Variants in AFAP1 observed in about 807,000 individuals in gnomAD.
AFAP1 encodes actin filament associated protein 1, also known as actin filament-associated protein 1.
AFAP1 carries 75 observed loss-of-function variants against 93.9 expected under a neutral mutation model. That is an observed-to-expected ratio of 0.80 (90% CI 0.66 to 0.97). The LOEUF (loss-of-function observed/expected upper bound fraction) is 0.97, where lower values mean the gene tolerates loss of function less well. AFAP1 is among the 50% of genes least tolerant of loss of function. The probability of loss-of-function intolerance (pLI) is 0.00; values close to 1 mark genes in which losing one functional copy is unlikely to be tolerated. For missense variants in AFAP1, 1,201 were observed against 1,050.8 expected (o/e 1.14, Z -1.98); for synonymous variants, 517 against 430.7 (o/e 1.20, Z -2.48).
At chr4:7,917,581 C>T (rs4696778) in intron 1 of AFAP1, among the ~76,000 whole-genome samples, 2 of 151,966 alleles carry the variant, frequency 1.3e-5, no homozygotes, top group South Asian at 2.1e-4. Flanking sequence ...TGAAGAAGGC[C>T]GAAACAGAAG....
intron 1 of AFAP1, among the ~76,000 whole-genome samples, chr4:7,903,977 A>C (rs1206831176): frequency 6.6e-6 from 1 of 151,948 alleles, no homozygotes; most frequent in East Asian, 1.9e-4. Flanking sequence ...AGAGTTTTTA[A>C]AATACAGGAA....
rs1476741099 is a variant in AFAP1 at position 7,761,724 on chromosome 4, G to A, written c.*2041C>T. ...GACCCGAAGGCAGCAAAAATCTATG[G>A]AGGAGCAAACTTTTTTCCCTTTATA... On this transcript the variant is annotated 3_prime_UTR_variant, in exon 18 of 18. Transcript: ENST00000420658. The A allele has an allele frequency of 6.6e-6, 1 of 152,250 alleles. No homozygotes were observed. Among genetic ancestry groups the A allele is most frequent in the Non-Finnish European group, 1.5e-5 (1 of 68,050 alleles). 9.4% of individuals were successfully genotyped at this position (152,250 alleles called of 1,614,324 possible).
intron 3 of AFAP1, among the ~76,000 whole-genome samples, chr4:7,865,131 A>G (rs1215389033): frequency 6.6e-6 from 1 of 152,248 alleles, no homozygotes; most frequent in Non-Finnish European, 1.5e-5. Flanking sequence ...TCATATGTAT[A>G]GATTACACAG....
chr4:7,763,803 G>C lies in AFAP1; in HGVS notation c.2419-12C>G, dbSNP rs980310843. 36 of 1,551,440 alleles carry C rather than the reference G, an allele frequency of 2.3e-5. No homozygotes were observed. Among genetic ancestry groups the C allele is most frequent in the Non-Finnish European group, 3.1e-5 (35 of 1,146,866 alleles). ...TTCAATTCCCATTCCTAGAGGAAAGGAGAGTCTTGTAAGTGGACAGGGCAA... is the reference window on the plus strand; with the variant it reads ...TTCAATTCCCATTCCTAGAGGAAAGCAGAGTCTTGTAAGTGGACAGGGCAA... On this transcript the variant is annotated splice_polypyrimidine_tract_variant and intron_variant, in intron 17 of 17. Coordinates refer to ENST00000420658, the MANE Select transcript of AFAP1 (RefSeq NM_001134647.2).
At chr4:7,787,909 G>A (rs955838472) in intron 11 of AFAP1, among the ~76,000 whole-genome samples, 68 of 152,260 alleles carry the variant, frequency 4.5e-4, no homozygotes, top group African/African-American at 1.6e-3. Flanking sequence ...TCTGCCTGCC[G>A]AACTCCTCTC....
At chr4:7,893,961 T>C (rs1030042070) in intron 1 of AFAP1, among the ~76,000 whole-genome samples, 3 of 152,144 alleles carry the variant, frequency 2.0e-5, no homozygotes, top group African/African-American at 7.2e-5. Flanking sequence ...CAGCGAGCCC[T>C]GGAGGCTTCA....
At chr4:7,856,134 T>C (rs1715032282) in intron 3 of AFAP1, among the ~76,000 whole-genome samples, 1 of 152,202 alleles carries the variant, frequency 6.6e-6, no homozygotes, top group Admixed American at 6.5e-5. Context: ...ATATCCCTAT[T>C]GTGTGCTAGG....
chr4:7,771,931 G>A (rs537178041), intron 16 of AFAP1, among the ~76,000 whole-genome samples: 6 of 152,250 alleles, frequency 3.9e-5, no homozygotes, highest in East Asian at 3.9e-4. Context: ...GGTGGTGCCC[G>A]GTAGGGGCCA....
At chr4:7,809,543 C>T (rs148823168) in intron 9 of AFAP1, 71 bp downstream of exon 9, 23 of 1,529,524 alleles carry the variant, frequency 1.5e-5, no homozygotes, top group South Asian at 6.5e-5. Context: ...AACTGGGTAC[C>T]GACACCACTG....
chr4:7,797,327 C>T (rs555857465), intron 10 of AFAP1, among the ~76,000 whole-genome samples: 6 of 152,200 alleles, frequency 3.9e-5, no homozygotes, highest in African/African-American at 1.4e-4. Flanking sequence ...AAGCATCTTC[C>T]CACATGAGAC....
At chr4:7,876,236 G>A (rs2149190962) in intron 1 of AFAP1, among the ~76,000 whole-genome samples, 2 of 152,328 alleles carry the variant, frequency 1.3e-5, no homozygotes, top group Middle Eastern at 6.8e-3. Flanking sequence ...TCCAGAGCCT[G>A]GGAGTTTGTC....
At chr4:7,927,118 T>C (rs11733297) in intron 1 of AFAP1, among the ~76,000 whole-genome samples, 46,464 of 152,162 alleles carry the variant, frequency 0.31, 8,481 homozygotes, top group Non-Finnish European at 0.43. Flanking sequence ...AGAATCCCTG[T>C]TTTTGGTCCT....
intron 1 of AFAP1, among the ~76,000 whole-genome samples, chr4:7,930,063 T>G (rs1720978701): frequency 2.0e-5 from 3 of 152,234 alleles, no homozygotes; most frequent in Admixed American, 2.0e-4. Flanking sequence ...CAATCTCATT[T>G]TGTCACCGGC....
At chr4:7,801,451 C>G (rs1165753649) in intron 9 of AFAP1, among the ~76,000 whole-genome samples, 1 of 151,802 alleles carries the variant, frequency 6.6e-6, no homozygotes, top group Non-Finnish European at 1.5e-5. Context: ...AAAACCTCCT[C>G]AAATACAGGA....
At chr4:7,791,605 A>G (rs958070303) in intron 11 of AFAP1, among the ~76,000 whole-genome samples, 1 of 152,038 alleles carries the variant, frequency 6.6e-6, no homozygotes, top group Non-Finnish European at 1.5e-5. Context: ...GCACTTTGGG[A>G]GGCCAAGACA....
At chr4:7,892,631 C>A (rs1718535126) in intron 1 of AFAP1, among the ~76,000 whole-genome samples, 1 of 152,180 alleles carries the variant, frequency 6.6e-6, no homozygotes, top group South Asian at 2.1e-4. Context: ...AAAAAGCTGA[C>A]CCTGATTAAC....
chr4:7,789,194 G>A (rs543485659), intron 11 of AFAP1, among the ~76,000 whole-genome samples: 6 of 152,100 alleles, frequency 3.9e-5, no homozygotes, highest in Admixed American at 1.3e-4. Flanking sequence ...ACGAGGCCTC[G>A]GTCTTGTGCT....
At chr4:7,789,375 G>A (rs925620607) in intron 11 of AFAP1, among the ~76,000 whole-genome samples, 1 of 151,560 alleles carries the variant, frequency 6.6e-6, no homozygotes, top group African/African-American at 2.4e-5. Flanking sequence ...TCCCATCTGT[G>A]AATCTCTCCA....
intron 4 of AFAP1, among the ~76,000 whole-genome samples, chr4:7,848,572 C>T (rs575890723): frequency 1.4e-4 from 22 of 152,284 alleles, no homozygotes; most frequent in Non-Finnish European, 2.2e-4. Flanking sequence ...GAGAGGCCCA[C>T]GTGCCTCTCC....
Sources: gnomAD v4.1 joint callset for allele counts (sites outside exome capture counted in the v4.1 genomes callset) on GRCh38, gnomAD v4.1.1 for gene constraint, MANE v1.5 for transcripts, NCBI Gene and HGNC (gene_info 2026-07-23, HGNC 2026-07-21) for gene names.